KCNK13: variants seen among roughly 807,000 people sequenced by gnomAD.
The protein encoded by KCNK13 is potassium two pore domain channel subfamily K member 13.
A neutral mutation model predicts 23.4 loss-of-function variants in KCNK13; 12 were observed. The ratio of observed to expected loss-of-function variants is 0.51; its 90% CI spans 0.33 to 0.83. KCNK13 has a LOEUF of 0.83. Ranked by LOEUF, KCNK13 falls within the 40% of genes least tolerant of loss-of-function variation. The pLI is 0.02. For synonymous variants in KCNK13, 231 were observed against 229.5 expected (o/e 1.01, Z -0.06); for missense variants, 463 against 556.3 (o/e 0.83, Z 1.69).
intron 1 of KCNK13, among the ~76,000 whole-genome samples, chr14:90,124,181 G>A (rs925529182): frequency 2.0e-5 from 3 of 152,210 alleles, no homozygotes; most frequent in African/African-American, 7.2e-5. Context: ...TGCGTCTCCG[G>A]TTAATGTGCA....
chr14:90,116,290 C>A (rs1262618013), intron 1 of KCNK13, among the ~76,000 whole-genome samples: 1 of 152,160 alleles, frequency 6.6e-6, no homozygotes, highest in East Asian at 1.9e-4. Context: ...TGTCTTCTGT[C>A]TGAATGGATG....
chr14:90,067,035 C>T (rs1889017808), intron 1 of KCNK13, among the ~76,000 whole-genome samples: 1 of 152,226 alleles, frequency 6.6e-6, no homozygotes, highest in African/African-American at 2.4e-5. Context: ...CTTTGGGAGG[C>T]CAAGGCAGGT....
At chr14:90,123,600 C>T (rs1196522764) in intron 1 of KCNK13, among the ~76,000 whole-genome samples, 1 of 152,128 alleles carries the variant, frequency 6.6e-6, no homozygotes, top group African/African-American at 2.4e-5. Flanking sequence ...AGAAAAGTTG[C>T]CAGTCCTCGT....
chr14:90,087,117 C>CATATATATACATAT (rs1889285164), intron 1 of KCNK13, among the ~76,000 whole-genome samples: 88 of 125,676 alleles, frequency 7.0e-4, no homozygotes, highest in African/African-American at 2.6e-3. Flanking sequence ...TATATATATA[C>CATATATATACATAT]ATATATATAT....
At chr14:90,063,595 G>A (rs1333304677) in intron 1 of KCNK13, among the ~76,000 whole-genome samples, 2 of 152,134 alleles carry the variant, frequency 1.3e-5, no homozygotes, top group Non-Finnish European at 2.9e-5. Flanking sequence ...AAAAAAGGCT[G>A]GCAGTTGCAA....
rs1197664062 is a variant in KCNK13 at position 90,121,572 on chromosome 14, G to A, written c.334+59033G>A. On this transcript the variant is annotated intron_variant, in intron 1 of 1. Transcript: ENST00000282146. Reference sequence around the variant, plus strand: ...TTATATTAACTCTATTTTCTCCCATGATAAATGTAGTATATGCTCATTATA... The same window carrying A: ...TTATATTAACTCTATTTTCTCCCATAATAAATGTAGTATATGCTCATTATA... Among the ~76,000 whole-genome samples, 7 of 152,284 alleles carry A rather than the reference G, an allele frequency of 4.6e-5. No homozygotes were observed. In the East Asian group the frequency reaches 1.2e-3, roughly 25 times the overall value.
chr14:90,119,867 T>C (rs1242954979), intron 1 of KCNK13, among the ~76,000 whole-genome samples: 1 of 152,210 alleles, frequency 6.6e-6, no homozygotes, highest in Non-Finnish European at 1.5e-5. Context: ...CGCAGAGTGC[T>C]GGAATTATAG....
intron 1 of KCNK13, among the ~76,000 whole-genome samples, chr14:90,143,638 G>A (rs906819544): frequency 2.6e-5 from 4 of 152,122 alleles, no homozygotes; most frequent in African/African-American, 9.7e-5. Context: ...ATTAAATTTA[G>A]TAGAGTTTAA....
At chr14:90,142,643 A>G (rs1001054505) in intron 1 of KCNK13, among the ~76,000 whole-genome samples, 1 of 152,178 alleles carries the variant, frequency 6.6e-6, no homozygotes, top group African/African-American at 2.4e-5. Context: ...TTTAAGCATC[A>G]TTTGTTAAAA....
At chr14:90,077,494 CTTA>C in intron 1 of KCNK13, among the ~76,000 whole-genome samples, 1 of 152,254 alleles carries the variant, frequency 6.6e-6, no homozygotes, top group East Asian at 1.9e-4. Flanking sequence ...TCTTGTCATA[CTTA>C]TTATTCTCAA....
Position 90,117,672 on chromosome 14 carries a change from C to G in KCNK13, c.334+55133C>G, listed in dbSNP as rs192203742. Among the ~76,000 whole-genome samples, 18 of 152,242 alleles carry G rather than the reference C, an allele frequency of 1.2e-4. No homozygotes were observed. In the East Asian group the frequency reaches 3.5e-3, roughly 29 times the overall value. On this transcript the variant is annotated intron_variant, in intron 1 of 1. Coordinates refer to ENST00000282146, the MANE Select transcript of KCNK13 (RefSeq NM_022054.4). ...CATAGTTGACCACAGGTAACTGAAACCTCAGAAAGCAAAACCTTACGTAAG... is the reference window on the plus strand; with the variant it reads ...CATAGTTGACCACAGGTAACTGAAAGCTCAGAAAGCAAAACCTTACGTAAG...
At chr14:90,154,265 A>G (rs1226955932) in intron 1 of KCNK13, among the ~76,000 whole-genome samples, 2 of 150,438 alleles carry the variant, frequency 1.3e-5, no homozygotes, top group African/African-American at 4.9e-5. Flanking sequence ...TCTACCCACA[A>G]TGCCTGCTCT....
chr14:90,101,084 C>A (rs372677443), intron 1 of KCNK13, among the ~76,000 whole-genome samples: 1 of 152,268 alleles, frequency 6.6e-6, no homozygotes, highest in South Asian at 2.1e-4. Context: ...ATTCGAGGTA[C>A]TTCAATCCCC....
intron 1 of KCNK13, among the ~76,000 whole-genome samples, chr14:90,103,508 T>A (rs1889506057): frequency 6.6e-6 from 1 of 152,176 alleles, no homozygotes; most frequent in East Asian, 1.9e-4. Context: ...AATGCAGGTA[T>A]TTTTGGAGAT....
rs147396316 is a variant in KCNK13, at chr14:90,168,714, A to C, written c.335-15397A>C. 2.6e-5 allele frequency among the ~76,000 whole-genome samples: 4 copies of C among 152,248 alleles called. No individual in the cohort carries two copies. The East Asian group carries it at 5.8e-4, about 22-fold the overall frequency. ...AGCTCCTCAGGGGATTTCTTGGCAT[A>C]CTAAAGTTTAGGACCTTTGTCCCAG... On this transcript the variant is annotated intron_variant, in intron 1 of 1. Transcript: ENST00000282146.
chr14:90,070,632 A>G (rs941257455), intron 1 of KCNK13, among the ~76,000 whole-genome samples: 19 of 152,066 alleles, frequency 1.2e-4, no homozygotes, highest in Non-Finnish European at 2.1e-4. Flanking sequence ...GCTTTCTTCC[A>G]TTGTCTTCGT....
intron 1 of KCNK13, among the ~76,000 whole-genome samples, chr14:90,065,947 A>G (rs1021585412): frequency 6.6e-6 from 1 of 152,112 alleles, no homozygotes; most frequent in African/African-American, 2.4e-5. Flanking sequence ...AAACGAGGAA[A>G]CATAAACCTT....
intron 1 of KCNK13, among the ~76,000 whole-genome samples, chr14:90,086,117 T>A (rs1473761708): frequency 1.3e-5 from 2 of 151,964 alleles, no homozygotes; most frequent in Non-Finnish European, 2.9e-5. Context: ...CACAACTGCT[T>A]TATACACCAT....
chr14:90,184,775 A>G lies in KCNK13; in HGVS notation c.999A>G (p.Ala333=), dbSNP rs550445042. 2.5e-6 allele frequency: 4 copies of G among 1,613,424 alleles called. No homozygotes were observed. The African/African-American group carries it at 5.3e-5, about 21-fold the overall frequency. ...CNISIETDGV[A]ESDTDGRRLS... ...TCTCCATAGAGACAGACGGGGTGGC[A>G]GAGAGTGACACGGACGGGCGCCGGC... Residue 333 remains alanine (A), a synonymous_variant, in exon 2 of 2, where the codon GCA becomes GCG. Transcript: ENST00000282146. This position sits in a 1 kb window ranked among gnomAD's most constrained non-coding sequence, Gnocchi z 5.6.
Sources: allele counts gnomAD v4.1 joint callset (sites outside exome capture counted in the v4.1 genomes callset), GRCh38; gene constraint gnomAD v4.1.1; non-coding constraint Gnocchi (gnomAD v3.1); transcripts MANE v1.5; gene names NCBI Gene and HGNC (gene_info 2026-07-23, HGNC 2026-07-21).